The following OR4K13 variants were observed in gnomAD, a reference collection of about 807,000 sequenced individuals.
The protein encoded by OR4K13 is olfactory receptor family 4 subfamily K member 13.
For synonymous variants in OR4K13, 160 were observed against 134.8 expected (o/e 1.19, Z -1.30); for missense variants, 403 against 366.0 (o/e 1.10, Z -0.82).
rs1475795012 is a variant in OR4K13 at position 20,031,583 on chromosome 14, T to G, written c.*2261A>C. ...ATACATAAATAACTTACAAATAATTTATATCACAAATTCGTGACAATTTGC... is the reference window on the plus strand; with the variant it reads ...ATACATAAATAACTTACAAATAATTGATATCACAAATTCGTGACAATTTGC... On this transcript the variant is annotated 3_prime_UTR_variant, in exon 2 of 2. Transcript: ENST00000641904. 6.6e-6 allele frequency: 1 copy of G among 152,206 alleles called. No individual in the cohort carries two copies. The highest frequency in any genetic ancestry group is 1.5e-5 in the Non-Finnish European group (1 of 68,034). The allele number at this position is 152,206 out of a possible 1,614,324, so 9.4% of individuals were successfully genotyped here.
chr14:20,034,013 A>T lies in OR4K13; in HGVS notation c.746T>A (p.Leu249Gln), dbSNP rs1449562857. Residue 249 changes from leucine to glutamine, a missense_variant, in exon 2 of 2, where the codon CTG (leucine) becomes CAG (glutamine). Leu to Gln is a moderately radical substitution (Grantham distance 113). Transcript: ENST00000641904. ...GATAAAGACACACGGAGCAAAGAACAGAGTCACAACTGTGATGTGAGCTGA... is the reference window on the plus strand; with the variant it reads ...GATAAAGACACACGGAGCAAAGAACTGAGTCACAACTGTGATGTGAGCTGA... ...TLSAHITVVT[L>Q]FFAPCVFIYV... is the part of the protein sequence containing the mutation. The T allele has an allele frequency of 6.2e-7, 1 of 1,614,154 alleles. No individual in the cohort carries two copies. The highest frequency in any genetic ancestry group is 1.1e-5 in the South Asian group (1 of 91,074).
intron 1 of OR4K13, among the ~76,000 whole-genome samples, chr14:20,035,352 C>T (rs1270663801): frequency 6.6e-6 from 1 of 151,810 alleles, no homozygotes; most frequent in Non-Finnish European, 1.5e-5. Flanking sequence ...GAGAAACTTA[C>T]CTTATTTCCT....
chr14:20,033,943 A>C lies in OR4K13; in HGVS notation c.816T>G (p.Ser272=), dbSNP rs748267489. The C allele has an allele frequency of 2.5e-6, 4 of 1,611,732 alleles. No individual in the cohort carries two copies. Among genetic ancestry groups the C allele is most frequent in the Non-Finnish European group, 3.4e-6 (4 of 1,177,990 alleles). The part of the protein sequence containing the change: ...FSRYSVDKIL[S]VFYTIFTPLL... Reference sequence around the variant, plus strand: ...GAGGTGTGAAAATTGTGTAAAACACAGAAAGAATTTTATCTACCGAGTATC... The same window carrying C: ...GAGGTGTGAAAATTGTGTAAAACACCGAAAGAATTTTATCTACCGAGTATC... Residue 272 remains serine (S), a synonymous_variant, in exon 2 of 2, where the codon TCT becomes TCG. Coordinates refer to ENST00000641904, the MANE Select transcript of OR4K13 (RefSeq NM_001004714.2).
At position 20,030,651 on chromosome 14, in the gene OR4K13, T is replaced by C. The variant is rs1484971698; in HGVS notation, c.*3193A>G. On this transcript the variant is annotated 3_prime_UTR_variant, in exon 2 of 2. Transcript: ENST00000641904. Reference sequence around the variant, plus strand: ...AGTCTTCCTACTACTTTCCCTTAATTTTAACCCTGGGATCCCCTTAAATAG... The same window carrying C: ...AGTCTTCCTACTACTTTCCCTTAATCTTAACCCTGGGATCCCCTTAAATAG... 1 of 152,168 alleles carries C rather than the reference T, an allele frequency of 6.6e-6. No individual in the cohort carries two copies. The highest frequency in any genetic ancestry group is 1.5e-5 in the Non-Finnish European group (1 of 68,040). The allele number at this position is 152,168 out of a possible 1,614,324, so 9.4% of individuals were successfully genotyped here. A position where few individuals can be genotyped will look rare whatever the true frequency, so the allele number is the denominator to read the frequency against.
In OR4K13 at chr14:20,029,890, C is replaced by CTG. The variant is rs1877376333; in HGVS notation, c.*3953_*3954insCA. 1 of 152,040 alleles carries CTG rather than the reference C, an allele frequency of 6.6e-6. No individual in the cohort carries two copies. Among genetic ancestry groups the CTG allele is most frequent in the East Asian group, 1.9e-4 (1 of 5,190 alleles). The allele number at this position is 152,040 out of a possible 1,614,324, so 9.4% of individuals were successfully genotyped here. On this transcript the variant is annotated 3_prime_UTR_variant, in exon 2 of 2. Coordinates refer to ENST00000641904, the MANE Select transcript of OR4K13 (RefSeq NM_001004714.2). ...AGTGAGCCAAAATTGAGCCACTGCA[C>CTG]TACAGCCTGGGTGACAGGGCAAGAC...
rs199734457 is a variant in OR4K13 at position 20,033,984 on chromosome 14, C to A, written c.775G>T (p.Val259Phe). 8 of 1,613,656 alleles carry A rather than the reference C, an allele frequency of 5.0e-6. No homozygotes were observed. Among genetic ancestry groups the A allele is most frequent in the African/African-American group, 2.7e-5 (2 of 74,830 alleles). Residue 259 changes from valine (V) to phenylalanine (F), a missense_variant, in exon 2 of 2, where the codon GTC becomes TTC. Coordinates refer to ENST00000641904, the MANE Select transcript of OR4K13 (RefSeq NM_001004714.2). The part of the protein sequence containing the change: ...LFFAPCVFIY[V>F]WPFSRYSVDK... ...ACCGAGTATCTGCTGAAGGGCCAGA[C>A]GTAGATAAAGACACACGGAGCAAAG... is the stretch of plus-strand genomic sequence containing the variant.
At position 20,032,190 on chromosome 14, in the gene OR4K13, T is replaced by C. The variant is rs1277711433; in HGVS notation, c.*1654A>G. ...TGTTTCAAAATCGGCCCCTAGGATT[T>C]CTAAGCAAGTCCTTAATTAGATAAG... On this transcript the variant is annotated 3_prime_UTR_variant, in exon 2 of 2. Transcript: ENST00000641904. The C allele has an allele frequency of 6.6e-6, 1 of 152,212 alleles. No homozygotes were observed. The highest frequency in any genetic ancestry group is 2.4e-5 in the African/African-American group (1 of 41,448). 9.4% of individuals were successfully genotyped at this position (152,212 alleles called of 1,614,324 possible).
At position 20,033,760 on chromosome 14, in the gene OR4K13, T is replaced by C. The variant is rs750821798; in HGVS notation, c.*84A>G. The C allele has an allele frequency of 3.7e-5, 28 of 764,450 alleles. No individual in the cohort carries two copies. The highest frequency in any genetic ancestry group is 5.4e-5 in the Non-Finnish European group (26 of 478,460). 47.4% of individuals were successfully genotyped at this position (764,450 alleles called of 1,614,324 possible). A position where few individuals can be genotyped will look rare whatever the true frequency, so the allele number is the denominator to read the frequency against. On this transcript the variant is annotated 3_prime_UTR_variant, in exon 2 of 2. Transcript: ENST00000641904. ...CGCAATGACTTTTGCACGAACCTGA[T>C]ACATTAAAAACGAGTTTCTTAAATG...
Position 20,034,749 on chromosome 14 carries a change from C to T in OR4K13, c.10G>A (p.Ala4Thr). 6.2e-7 allele frequency: 1 copy of T among 1,604,020 alleles called. No individual in the cohort carries two copies. The highest frequency in any genetic ancestry group is 1.7e-5 in the Admixed American group (1 of 57,780). ...AATTCCGATACCACTGAATGGTTTGCTCTTTCCATATCGTCAACTTTATCC... is the reference window on the plus strand; with the variant it reads ...AATTCCGATACCACTGAATGGTTTGTTCTTTCCATATCGTCAACTTTATCC... MERANHSVVSEFIL... is the reference protein window; with the variant it reads MERTNHSVVSEFIL... The change falls in exon 2 of 2, where the codon GCA becomes ACA. Residue 4 changes from alanine (A) to threonine (T), a missense_variant. By Grantham distance (58) the Ala-to-Thr change is moderately conservative. Transcript: ENST00000641904.
Position 20,030,063 on chromosome 14 carries a change from AC to A in OR4K13, c.*3780del, listed in dbSNP as rs1316196880. 1.3e-5 allele frequency: 2 copies of A among 152,218 alleles called. No individual in the cohort carries two copies. The highest frequency in any genetic ancestry group is 4.8e-5 in the African/African-American group (2 of 41,454). The allele number at this position is 152,218 out of a possible 1,614,324, so 9.4% of individuals were successfully genotyped here. A position where few individuals can be genotyped will look rare whatever the true frequency, so the allele number is the denominator to read the frequency against. ...AACAGGCTATTTGCTGTATGATTCT[AC>A]CTATATGACAATCTTGAAAAAGCAA... On this transcript the variant is annotated 3_prime_UTR_variant, in exon 2 of 2. Transcript: ENST00000641904.
chr14:20,033,865 A>T lies in OR4K13; in HGVS notation c.894T>A (p.Ile298=), dbSNP rs1162433735. 6.6e-7 allele frequency: 1 copy of T among 1,510,446 alleles called. No individual in the cohort carries two copies. The highest frequency in any genetic ancestry group is 1.9e-5 in the Admixed American group (1 of 53,472). The allele number at this position is 1,510,446 out of a possible 1,614,324, so 93.6% of individuals were successfully genotyped here. The change falls in exon 2 of 2, where the codon ATT becomes ATA. Residue 298 remains isoleucine, a synonymous_variant. Transcript: ENST00000641904. ...TLRNQEVKAA[I]KKRLCI ...AAATTTATATGCAGAGTCTTTTTTT[A>T]ATGGCTGCTTTTACCTCTTGATTTC...
Position 20,034,461 on chromosome 14 carries a change from G to A in OR4K13, c.298C>T (p.Gln100Ter). The A allele has an allele frequency of 6.2e-7, 1 of 1,613,834 alleles. No individual in the cohort carries two copies. Among genetic ancestry groups the A allele is most frequent in the Non-Finnish European group, 8.5e-7 (1 of 1,179,948 alleles). The change falls in exon 2 of 2, where the codon CAG becomes TAG. Residue 100 changes from glutamine (Q) to a stop codon, truncating the protein, a stop_gained. Coordinates refer to ENST00000641904, the MANE Select transcript of OR4K13 (RefSeq NM_001004714.2). LOFTEE classifies it low-confidence loss of function (END_TRUNC). Reference protein sequence around the residue: ...KTISWWGCYSQMFFMHLLGGS... With the variant: ...KTISWWGCYS The stretch of plus-strand genomic sequence containing the variant: ...CCCAGGAGGTGCATAAAGAACATCT[G>A]GGAATAACATCCCCACCATGAGATG...
Position 20,030,643 on chromosome 14 carries a change from C to T in OR4K13, c.*3201G>A, listed in dbSNP as rs1263062417. ...ACCCCAAGAGTCTTCCTACTACTTTCCCTTAATTTTAACCCTGGGATCCCC... is the reference window on the plus strand; with the variant it reads ...ACCCCAAGAGTCTTCCTACTACTTTTCCTTAATTTTAACCCTGGGATCCCC... On this transcript the variant is annotated 3_prime_UTR_variant, in exon 2 of 2. Coordinates refer to ENST00000641904, the MANE Select transcript of OR4K13 (RefSeq NM_001004714.2). 1 of 152,168 alleles carries T rather than the reference C, an allele frequency of 6.6e-6. No homozygotes were observed. The highest frequency in any genetic ancestry group is 1.5e-5 in the Non-Finnish European group (1 of 68,040). The allele number at this position is 152,168 out of a possible 1,614,324, so 9.4% of individuals were successfully genotyped here.
At chr14:20,035,013 C>A in intron 1 of OR4K13, 32 bp from the exon 2 acceptor site, 1 of 400,256 alleles carries the variant, frequency 2.5e-6, no homozygotes, top group Non-Finnish European at 4.5e-6. Flanking sequence ...ATTAATAGTA[C>A]ATGAAACCAC....
In OR4K13 at chr14:20,034,344, G is replaced by C; in HGVS notation, c.415C>G (p.Arg139Gly). 2 of 1,614,084 alleles carry C rather than the reference G, an allele frequency of 1.2e-6. No individual in the cohort carries two copies. The highest frequency in any genetic ancestry group is 1.7e-6 in the Non-Finnish European group (2 of 1,179,986). The change falls in exon 2 of 2, where the codon CGG (arginine) becomes GGG (glycine). Residue 139 changes from arginine to glycine, a missense_variant. Transcript: ENST00000641904. ...GATAACAGTAGCCCAGTGAGCACCCGTGGGCTCATGATGGTCATGTAATGG... is the reference window on the plus strand; with the variant it reads ...GATAACAGTAGCCCAGTGAGCACCCCTGGGCTCATGATGGTCATGTAATGG... ...PLHYMTIMSP[R>G]VLTGLLLSSY...
rs35900465 is a variant in OR4K13, at chr14:20,030,929, G to GA, written c.*2914dup. The stretch of plus-strand genomic sequence containing the variant: ...CCAGCTACTCAGGGGGCTGAGAGAG[G>GA]AGAATCACTTGAACTCGGGAGGCGG... On this transcript the variant is annotated 3_prime_UTR_variant, in exon 2 of 2. Coordinates refer to ENST00000641904, the MANE Select transcript of OR4K13 (RefSeq NM_001004714.2). 0.36 allele frequency: 55,087 copies of GA among 152,038 alleles called. 11,374 individuals are homozygous for GA. Among genetic ancestry groups the GA allele is most frequent in the Non-Finnish European group, 0.47 (31,621 of 67,970 alleles). 9.4% of individuals were successfully genotyped at this position (152,038 alleles called of 1,614,324 possible).
In OR4K13 at chr14:20,034,928, C is replaced by A. The variant is rs1468765195; in HGVS notation, c.-170G>T. 2.0e-5 allele frequency: 12 copies of A among 599,542 alleles called. No homozygotes were observed. The East Asian group carries it at 3.1e-4, about 15-fold the overall frequency. 37.1% of individuals were successfully genotyped at this position (599,542 alleles called of 1,614,324 possible). On this transcript the variant is annotated 5_prime_UTR_variant, in exon 2 of 2. Transcript: ENST00000641904. ...GGAATTTTGTCAGTCAGTGATTTTA[C>A]TAATGGCCCAGAGAAGTATCCCAAA...
In OR4K13 at chr14:20,034,584, T is replaced by C. The variant is rs376242424; in HGVS notation, c.175A>G (p.Met59Val). ...GAGAGGTTGCTAAGCAGAAAATACATTGGTGTGTGAAGGAGCGAATCAAAG... is the reference window on the plus strand; with the variant it reads ...GAGAGGTTGCTAAGCAGAAAATACACTGGTGTGTGAAGGAGCGAATCAAAG... ...VTFDSLLHTP[M>V]YFLLSNLSCI... The change falls in exon 2 of 2, where the codon ATG (methionine) becomes GTG (valine). Residue 59 changes from methionine to valine, a missense_variant. Met to Val is a conservative substitution (Grantham distance 21). Transcript: ENST00000641904. 2.9e-5 allele frequency: 46 copies of C among 1,613,954 alleles called. No homozygotes were observed. In the East Asian group the frequency reaches 3.6e-4, roughly 13 times the overall value.
In OR4K13 at chr14:20,031,096, G is replaced by C. The variant is rs1877407987; in HGVS notation, c.*2748C>G. 1 of 152,228 alleles carries C rather than the reference G, an allele frequency of 6.6e-6. No individual in the cohort carries two copies. Among genetic ancestry groups the C allele is most frequent in the African/African-American group, 2.4e-5 (1 of 41,442 alleles). The allele number at this position is 152,228 out of a possible 1,614,324, so 9.4% of individuals were successfully genotyped here. ...CCCTGACAGGAAGACAGTTTGAGGTGTTAACAAATTTGCCCATGGAAAACA... is the reference window on the plus strand; with the variant it reads ...CCCTGACAGGAAGACAGTTTGAGGTCTTAACAAATTTGCCCATGGAAAACA... On this transcript the variant is annotated 3_prime_UTR_variant, in exon 2 of 2. Transcript: ENST00000641904.
Sources: gnomAD v4.1 joint callset for allele counts (sites outside exome capture counted in the v4.1 genomes callset) on GRCh38, gnomAD v4.1.1 for gene constraint, MANE v1.5 for transcripts, NCBI Gene and HGNC (gene_info 2026-07-23, HGNC 2026-07-21) for gene names.